The following DNMBP variants were observed in gnomAD, a reference collection of about 807,000 sequenced individuals.
The protein encoded by DNMBP is dynamin binding protein.
DNMBP carries 87 observed loss-of-function variants against 150.0 expected under a neutral mutation model. The ratio of observed to expected loss-of-function variants is 0.58; its 90% CI spans 0.49 to 0.69. DNMBP has a LOEUF of 0.69. Ranked by LOEUF, DNMBP falls within the 30% of genes least tolerant of loss-of-function variation. DNMBP has a pLI of 0.00. For missense variants in DNMBP, 1,774 were observed against 1,949.0 expected (o/e 0.91, Z 1.69); for synonymous variants, 711 against 750.4 (o/e 0.95, Z 0.86).
intron 4 of DNMBP, among the ~76,000 whole-genome samples, chr10:99,954,387 C>CAGTCATAGGCTCAAAACAG (rs1269461768): frequency 6.6e-6 from 1 of 151,928 alleles, no homozygotes; most frequent in Non-Finnish European, 1.5e-5. Context: ...GAGGCTACAG[C>CAGTCATAGGCTCAAAACAG]AGTCATAGGC....
intron 4 of DNMBP, among the ~76,000 whole-genome samples, chr10:99,916,668 C>T (rs1205447945): frequency 2.0e-5 from 3 of 148,526 alleles, no homozygotes; most frequent in Non-Finnish European, 4.5e-5. Flanking sequence ...AAAAAAAAAT[C>T]GAACCTCAAT....
chr10:99,883,155 G>GTTCTGAAAAAAATCCTTGTTT (rs71009781), intron 15 of DNMBP, among the ~76,000 whole-genome samples: 3 of 152,088 alleles, frequency 2.0e-5, no homozygotes, highest in South Asian at 4.1e-4. Flanking sequence ...TGGCAAAAGT[G>GTTCTGAAAAAAATCCTTGTTT]TTTTTAGAGC....
intron 1 of DNMBP, among the ~76,000 whole-genome samples, chr10:99,977,839 G>C (rs1438026110): frequency 3.3e-5 from 5 of 151,962 alleles, no homozygotes; most frequent in Admixed American, 6.6e-5. Context: ...AAAATCTCAA[G>C]TTTTACTTAC....
At position 99,886,300 on chromosome 10, in the gene DNMBP, C is replaced by G; in HGVS notation, c.3618G>C (p.Ser1206=). 6.2e-7 allele frequency: 1 copy of G among 1,609,682 alleles called. No individual in the cohort carries two copies. ...CCCACTGAACAGGTAAGAAACTCAC[C>G]GAAAGCAGTGGCTTTAATTGCTCCA... is the stretch of plus-strand genomic sequence containing the variant. ...QALEQLKPLL[S]LLKVAGREGN... is the part of the protein sequence containing the mutation. The change falls in exon 13 of 17, where the codon TCG becomes TCC. Residue 1206 remains serine (S), a splice_region_variant and synonymous_variant. Coordinates refer to ENST00000324109, the MANE Select transcript of DNMBP (RefSeq NM_015221.4).
At chr10:99,998,071 T>C (rs1429573578) in intron 1 of DNMBP, among the ~76,000 whole-genome samples, 1 of 148,120 alleles carries the variant, frequency 6.8e-6, no homozygotes, top group Non-Finnish European at 1.5e-5. Flanking sequence ...CCATCTCTAC[T>C]AAAAATACAA....
In DNMBP at chr10:99,896,726, C is replaced by A. The variant is rs79793343; in HGVS notation, c.2921-329G>T. Among the ~76,000 whole-genome samples, 564 of 152,296 alleles carry A rather than the reference C, an allele frequency of 3.7e-3. 5 individuals are homozygous for A. Among genetic ancestry groups the A allele is most frequent in the African/African-American group, 0.013 (525 of 41,568 alleles). ...ATTTTACCTTGAGTCTCATTTTCCT[C>A]TTCAATAAAATGCAGAAAGCAATAC... On this transcript the variant is annotated intron_variant, in intron 9 of 16. Coordinates refer to ENST00000324109, the MANE Select transcript of DNMBP (RefSeq NM_015221.4).
intron 2 of DNMBP, among the ~76,000 whole-genome samples, chr10:99,971,315 C>G (rs182535628): frequency 6.7e-6 from 1 of 150,030 alleles, no homozygotes; most frequent in Non-Finnish European, 1.5e-5. Context: ...CTTTTCTTTC[C>G]TTCCTTCCTT....
At position 99,956,530 on chromosome 10, in the gene DNMBP, C is replaced by T; in HGVS notation, c.944G>A (p.Gly315Asp). The change falls in exon 4 of 17, where the codon GGC becomes GAC. Residue 315 changes from glycine to aspartate, a missense_variant. Transcript: ENST00000324109. ...VEETMALPQE[G>D]SLARIPETSL... ...AGTTTCCGGGATCCTGGCAAGGCTG[C>T]CTTCCTGGGGCAGAGCCATGGTTTC... 1 of 1,614,152 alleles carries T rather than the reference C, an allele frequency of 6.2e-7. No individual in the cohort carries two copies. Among genetic ancestry groups the T allele is most frequent in the Non-Finnish European group, 8.5e-7 (1 of 1,180,020 alleles).
At chr10:99,887,196 A>T (rs1410304757) in intron 12 of DNMBP, among the ~76,000 whole-genome samples, 2 of 151,354 alleles carry the variant, frequency 1.3e-5, no homozygotes, top group African/African-American at 4.9e-5. Flanking sequence ...AGTTGGGATT[A>T]CAGGAGTCAG....
At chr10:99,899,788 C>A (rs1214161176) in intron 7 of DNMBP, 131 bp downstream of exon 7, 1 of 1,049,384 alleles carries the variant, frequency 9.5e-7, no homozygotes, top group South Asian at 1.3e-5. Flanking sequence ...ATCAGGAAAC[C>A]ACTTAAATGA....
intron 1 of DNMBP, among the ~76,000 whole-genome samples, chr10:99,986,693 T>C (rs1233961394): frequency 6.6e-6 from 1 of 150,616 alleles, no homozygotes; most frequent in South Asian, 2.1e-4. Flanking sequence ...GCAAGTGAGC[T>C]TGAAACAATC....
At chr10:99,960,549 TA>T (rs2040553153) in intron 3 of DNMBP, among the ~76,000 whole-genome samples, 1 of 152,218 alleles carries the variant, frequency 6.6e-6, no homozygotes, top group South Asian at 2.1e-4. Flanking sequence ...CTCACGCCTG[TA>T]ATCCCAGCAC....
chr10:99,969,940 CT>C (rs2040657880), intron 2 of DNMBP, among the ~76,000 whole-genome samples: 2 of 152,176 alleles, frequency 1.3e-5, no homozygotes, highest in East Asian at 3.8e-4. Flanking sequence ...AAATTCAAAT[CT>C]GATCATGTTC....
At chr10:99,889,433 T>C (rs376303855) in intron 11 of DNMBP, 1 of 152,766 alleles carries the variant, frequency 6.5e-6, no homozygotes, top group African/African-American at 2.4e-5. Context: ...GCTTCCTTTT[T>C]TTGTCTTTGC....
chr10:99,960,511 T>TA (rs1350675319), intron 3 of DNMBP, among the ~76,000 whole-genome samples: 3 of 151,486 alleles, frequency 2.0e-5, no homozygotes, highest in East Asian at 1.9e-4. Context: ...GCTCTTGATT[T>TA]AAAAAAAAAT....
chr10:99,998,093 G>A (rs12255542), intron 1 of DNMBP, among the ~76,000 whole-genome samples: 1 of 151,574 alleles, frequency 6.6e-6, no homozygotes, highest in Non-Finnish European at 1.5e-5. Context: ...AAATTAGCCA[G>A]GCGTGGTGGC....
At chr10:99,915,128 T>TATATATATATATATAC (rs1439020903) in intron 4 of DNMBP, among the ~76,000 whole-genome samples, 1 of 126,134 alleles carries the variant, frequency 7.9e-6, no homozygotes, top group African/African-American at 3.2e-5. Context: ...TATATATATA[T>TATATATATATATATAC]ACACACACAC....
chr10:99,930,680 G>A (rs912541283), intron 4 of DNMBP: 32 of 701,890 alleles, frequency 4.6e-5, no homozygotes, highest in Non-Finnish European at 6.8e-5. Flanking sequence ...GTACACTCCC[G>A]TAGTCTTCAT....
At chr10:99,884,468 C>T (rs1056800744) in intron 14 of DNMBP, among the ~76,000 whole-genome samples, 4 of 151,946 alleles carry the variant, frequency 2.6e-5, no homozygotes, top group East Asian at 1.9e-4. Flanking sequence ...TTGTGACAAA[C>T]GTGATTAAAA....
Sources: gnomAD v4.1 joint callset for allele counts (sites outside exome capture counted in the v4.1 genomes callset) on GRCh38, gnomAD v4.1.1 for gene constraint, MANE v1.5 for transcripts, NCBI Gene and HGNC (gene_info 2026-07-23, HGNC 2026-07-21) for gene names.